Variants in SPTB observed in about 807,000 individuals in gnomAD.
SPTB encodes the protein spectrin beta, erythrocytic, also known as spectrin beta chain, erythrocytic.
SPTB carries 45 observed loss-of-function variants against 256.2 expected under a neutral mutation model. That is an observed-to-expected ratio of 0.18 (90% CI 0.14 to 0.23). SPTB has a LOEUF of 0.23. Among genes scored for constraint, SPTB ranks in the 10% least tolerant of loss-of-function variants. The pLI, the probability that SPTB is intolerant of heterozygous loss-of-function variation, is 1.00. For synonymous variants in SPTB, 1,231 were observed against 1,243.1 expected (o/e 0.99, Z 0.21); for missense variants, 2,715 against 3,040.4 (o/e 0.89, Z 2.52).
At position 64,795,671 on chromosome 14, in the gene SPTB, G is replaced by A; in HGVS notation, c.1342-32C>T. 1 of 1,612,244 alleles carries A rather than the reference G, an allele frequency of 6.2e-7. No individual in the cohort carries two copies. ...CACCGGGAGAAAAACAGGCAGCTCA[G>A]TCAGACACCCAGGGGCTCATCCCCA... On this transcript the variant is annotated intron_variant, in intron 11 of 35. Transcript: ENST00000644917. The surrounding 1 kb of genome is among the most constrained non-coding windows in gnomAD (Gnocchi z 6.5).
chr14:64,875,565 T>C (rs1882781747), intron 1 of SPTB, among the ~76,000 whole-genome samples: 1 of 152,216 alleles, frequency 6.6e-6, no homozygotes, highest in Non-Finnish European at 1.5e-5. Context: ...GAAGGAAGCA[T>C]CTCTGTGATA....
chr14:64,878,816 T>C (rs1882958780), intron 1 of SPTB, among the ~76,000 whole-genome samples: 1 of 147,520 alleles, frequency 6.8e-6, no homozygotes. Flanking sequence ...AAAATTTAGA[T>C]GTACAAAAAA....
Position 64,793,539 on chromosome 14 carries a change from C to A in SPTB, c.2124G>T (p.Gln708His). 1 of 1,614,200 alleles carries A rather than the reference C, an allele frequency of 6.2e-7. No homozygotes were observed. The highest frequency in any genetic ancestry group is 8.5e-7 in the Non-Finnish European group (1 of 1,180,048). The change falls in exon 14 of 36, where the codon CAG (glutamine) becomes CAT (histidine). Residue 708 changes from glutamine to histidine, a missense_variant. This residue lies in a region of SPTB where 2,239 missense variants were observed against 2,384.4 expected (regional missense o/e 0.94). Coordinates refer to ENST00000644917, the MANE Select transcript of SPTB (RefSeq NM_001355436.2). This position sits in a 1 kb window ranked among gnomAD's most constrained non-coding sequence, Gnocchi z 7.0. The stretch of plus-strand genomic sequence containing the variant: ...GGGCCTCGATCTGCGGGTGCCCAAA[C>A]TGCTTGCGCGCAACCATGCCATGAG... ...QEAHGMVARK[Q>H]FGHPQIEARI...
At chr14:64,791,953 T>C (rs995278399) in intron 14 of SPTB, 97 bp from the exon 15 acceptor site, 2 of 1,528,922 alleles carry the variant, frequency 1.3e-6, no homozygotes, top group Non-Finnish European at 1.8e-6. Flanking sequence ...TAGCTCTTGC[T>C]TTCTCCTTCC....
intron 2 of SPTB, among the ~76,000 whole-genome samples, chr14:64,817,710 G>A (rs1484913800): frequency 2.0e-5 from 3 of 152,260 alleles, no homozygotes; most frequent in African/African-American, 7.2e-5. Context: ...GTACATAAGG[G>A]AAAAGGGGCC....
chr14:64,789,155 A>G (rs1476783678), intron 15 of SPTB, among the ~76,000 whole-genome samples: 1 of 152,072 alleles, frequency 6.6e-6, no homozygotes, highest in Admixed American at 6.5e-5. Context: ...GTTCAAGACC[A>G]GCCTGAGAAA....
chr14:64,749,560 C>T lies in SPTB; in HGVS notation c.6820-87G>A. 6.2e-7 allele frequency: 1 copy of T among 1,604,042 alleles called. No homozygotes were observed. The highest frequency in any genetic ancestry group is 8.5e-7 in the Non-Finnish European group (1 of 1,178,508). On this transcript the variant is annotated intron_variant, in intron 35 of 35. Coordinates refer to ENST00000644917, the MANE Select transcript of SPTB (RefSeq NM_001355436.2). This position sits in a 1 kb window ranked among gnomAD's most constrained non-coding sequence, Gnocchi z 4.7. ...GCAACAATGGTGGGGGCTCTTGGGA[C>T]TGCCCCTTCTGAGGGGGCCTCCAGG...
At chr14:64,863,464 G>GT (rs1566809221) in intron 1 of SPTB, among the ~76,000 whole-genome samples, 1 of 152,184 alleles carries the variant, frequency 6.6e-6, no homozygotes, top group Non-Finnish European at 1.5e-5. Context: ...GCCCCACAAT[G>GT]GCACCTACCT....
intron 4 of SPTB, 80 bp downstream of exon 4, chr14:64,803,527 T>G (rs1196386332): frequency 1.9e-6 from 3 of 1,567,832 alleles, no homozygotes; most frequent in Non-Finnish European, 2.6e-6. Context: ...ACCCACACTC[T>G]GTTCAGCATT....
intron 31 of SPTB, 80 bp downstream of exon 31, chr14:64,767,223 T>G (rs2082199509): frequency 6.4e-7 from 1 of 1,568,666 alleles, no homozygotes; most frequent in East Asian, 2.2e-5. Flanking sequence ...CTGGTCCCAA[T>G]GTCAGGTTTC....
intron 32 of SPTB, chr14:64,763,916 G>A (rs1013626034): frequency 2.0e-4 from 104 of 517,388 alleles, no homozygotes; most frequent in South Asian, 1.2e-3. Context: ...TGGGGAAGGG[G>A]AGGACTGGGG....
rs1340219192 is a variant in SPTB, at chr14:64,766,036, GGT to G, written c.6345+688_6345+689del. 5.4e-5 allele frequency among the ~76,000 whole-genome samples: 8 copies of G among 149,368 alleles called. No individual in the cohort carries two copies. In the East Asian group the frequency reaches 9.8e-4, roughly 18 times the overall value. The stretch of plus-strand genomic sequence containing the variant: ...TTGTGTGTGCATATGTGTGTATGTG[GGT>G]GTGTGGGTGTGCGTGAGGTGTGTAT... On this transcript the variant is annotated intron_variant, in intron 32 of 35. Coordinates refer to ENST00000644917, the MANE Select transcript of SPTB (RefSeq NM_001355436.2).
intron 32 of SPTB, chr14:64,757,210 C>T (rs2082026959): frequency 6.6e-6 from 1 of 152,248 alleles, no homozygotes; most frequent in Non-Finnish European, 1.5e-5. Flanking sequence ...GTTTGCCCCT[C>T]TTACCCAGCC....
chr14:64,861,492 G>T (rs1169840811), intron 1 of SPTB, among the ~76,000 whole-genome samples: 1 of 152,126 alleles, frequency 6.6e-6, no homozygotes, highest in Non-Finnish European at 1.5e-5. Flanking sequence ...CACACACGTG[G>T]CTGCACTGAC....
In SPTB at chr14:64,795,123, C is replaced by T. The variant is rs2082741957; in HGVS notation, c.1644+214G>A. ...CCAAGATTTCTCGGTCACCAGGGTA[C>T]CATGGACCTGGGCTGGTATCACCTG... On this transcript the variant is annotated intron_variant, in intron 12 of 35. Coordinates refer to ENST00000644917, the MANE Select transcript of SPTB (RefSeq NM_001355436.2). This position sits in a 1 kb window ranked among gnomAD's most constrained non-coding sequence, Gnocchi z 6.5. Among the ~76,000 whole-genome samples the T allele has an allele frequency of 6.6e-6, 1 of 152,254 alleles. No individual in the cohort carries two copies. The highest frequency in any genetic ancestry group is 2.1e-4 in the South Asian group (1 of 4,836).
Position 64,774,496 on chromosome 14 carries a change from C to G in SPTB, c.4874G>C (p.Arg1625Pro), listed in dbSNP as rs749125417. The change falls in exon 24 of 36, where the codon CGA becomes CCA. Residue 1625 changes from arginine to proline, a missense_variant. Transcript: ENST00000644917. ...DEEGAIVMLK[R>P]HLRQQRAVED... ...CACCGCACGCTGCTGCCGCAAATGT[C>G]GCTTCAGCATCACAATGGCGCCCTC... The G allele has an allele frequency of 6.4e-7, 1 of 1,555,102 alleles. No individual in the cohort carries two copies. The highest frequency in any genetic ancestry group is 1.4e-5 in the African/African-American group (1 of 73,260).
At position 64,803,789 on chromosome 14, in the gene SPTB, C is replaced by G. The variant is rs1276741103; in HGVS notation, c.301-9G>C. 1.2e-6 allele frequency: 2 copies of G among 1,602,796 alleles called. No homozygotes were observed. Among genetic ancestry groups the G allele is most frequent in the East Asian group, 4.5e-5 (2 of 44,378 alleles). On this transcript the variant is annotated splice_polypyrimidine_tract_variant and intron_variant, in intron 3 of 35. Coordinates refer to ENST00000644917, the MANE Select transcript of SPTB (RefSeq NM_001355436.2). ...CCCTTGGTGGGCTTTGGCTGGGGGA[C>G]AGCAGTGGCCCCCGTGGGCATGGAG...
chr14:64,856,008 G>T (rs545814814), intron 1 of SPTB, among the ~76,000 whole-genome samples: 1 of 152,252 alleles, frequency 6.6e-6, no homozygotes. Flanking sequence ...GAGGAGTGAG[G>T]CCTGGCAGAT....
chr14:64,819,481 C>A (rs2083250368), intron 2 of SPTB, among the ~76,000 whole-genome samples: 1 of 152,178 alleles, frequency 6.6e-6, no homozygotes, highest in African/African-American at 2.4e-5. Flanking sequence ...CTTGGGCCTC[C>A]CATGTCACCC....
Sources: gnomAD v4.1 joint callset for allele counts (sites outside exome capture counted in the v4.1 genomes callset) on GRCh38, gnomAD v4.1.1 for gene constraint, gnomAD v4.1.1 regional missense constraint, Gnocchi (gnomAD v3.1) non-coding constraint, MANE v1.5 for transcripts, NCBI Gene and HGNC (gene_info 2026-07-23, HGNC 2026-07-21) for gene names.